The following WWOX variants were observed in gnomAD, a reference collection of about 807,000 sequenced individuals.
The protein encoded by WWOX is WW domain-containing oxidoreductase.
In WWOX, 69 loss-of-function variants were observed where a neutral mutation model predicts 46.2. The ratio of observed to expected loss-of-function variants is 1.49; its 90% CI spans 1.23 to 1.82. The LOEUF is 1.82. Ranked by LOEUF, WWOX falls within the 40% of genes most tolerant of loss-of-function variation. The pLI is 0.00. For synonymous variants in WWOX, 359 were observed against 202.6 expected (o/e 1.77, Z -6.56); for missense variants, 919 against 542.6 (o/e 1.69, Z -6.89).
In WWOX at chr16:79,033,314, G is replaced by A. The variant is rs1421913235; in HGVS notation, c.1057-178294G>A. Among the ~76,000 whole-genome samples, 3 of 147,712 alleles carry A rather than the reference G, an allele frequency of 2.0e-5. No homozygotes were observed. In the East Asian group the frequency reaches 5.9e-4, roughly 29 times the overall value. On this transcript the variant is annotated intron_variant, in intron 8 of 8. Transcript: ENST00000566780. ...TATACACACATATGTATATATGTAT[G>A]TATAGAGAGTCTATTATATATATTA... is the stretch of plus-strand genomic sequence containing the variant.
chr16:79,030,970 T>G (rs1042294077), intron 8 of WWOX, among the ~76,000 whole-genome samples: 3 of 151,782 alleles, frequency 2.0e-5, no homozygotes, highest in Non-Finnish European at 2.9e-5. Flanking sequence ...CACATGCCTG[T>G]AGTCCCACCC....
chr16:78,400,931 C>T (rs2082397959), intron 6 of WWOX, among the ~76,000 whole-genome samples: 1 of 152,180 alleles, frequency 6.6e-6, no homozygotes, highest in Admixed American at 6.5e-5. Context: ...TCAAGTGATC[C>T]TTCCACTCAG....
chr16:78,668,130 AT>A (rs1018966277), intron 8 of WWOX, among the ~76,000 whole-genome samples: 15 of 152,140 alleles, frequency 9.9e-5, no homozygotes, highest in African/African-American at 3.6e-4. Flanking sequence ...AATACAAAAA[AT>A]TAGCCAGCTG....
chr16:78,571,543 T>C (rs1435725246), intron 8 of WWOX, among the ~76,000 whole-genome samples: 1 of 152,198 alleles, frequency 6.6e-6, no homozygotes, highest in Non-Finnish European at 1.5e-5. Context: ...AATACCATAT[T>C]ATCGAAAGGA....
intron 8 of WWOX, among the ~76,000 whole-genome samples, chr16:78,742,865 G>A (rs978169792): frequency 1.3e-5 from 2 of 152,138 alleles, no homozygotes; most frequent in African/African-American, 4.8e-5. Flanking sequence ...TCAGAGCCGG[G>A]GGCTTCCCAG....
intron 8 of WWOX, among the ~76,000 whole-genome samples, chr16:78,701,439 G>A (rs116218790): frequency 0.017 from 2,633 of 152,058 alleles, 75 homozygotes; most frequent in African/African-American, 0.06. Context: ...TTGAAGGTCC[G>A]ATGGCCACAT....
At chr16:78,779,085 G>C (rs10514446) in intron 8 of WWOX, among the ~76,000 whole-genome samples, 1 of 141,150 alleles carries the variant, frequency 7.1e-6, no homozygotes, top group Non-Finnish European at 1.6e-5. Flanking sequence ...TCACTCTATC[G>C]CCTAAAATTC....
At position 78,722,047 on chromosome 16, in the gene WWOX, C is replaced by T. The variant is rs145688224; in HGVS notation, c.1056+289295C>T. ...GTGGTATTTTGCATATTAATACTTG[C>T]TTAAATCAAGAAGCTAAGACTTTGT... is the stretch of plus-strand genomic sequence containing the variant. On this transcript the variant is annotated intron_variant, in intron 8 of 8. Transcript: ENST00000566780. Among the ~76,000 whole-genome samples the T allele has an allele frequency of 5.0e-3, 762 of 152,312 alleles. 4 individuals are homozygous for T. The highest frequency in any genetic ancestry group is 0.018 in the African/African-American group (731 of 41,584).
intron 8 of WWOX, among the ~76,000 whole-genome samples, chr16:79,000,105 G>A (rs544997534): frequency 6.6e-6 from 1 of 152,138 alleles, no homozygotes; most frequent in Non-Finnish European, 1.5e-5. Context: ...GTCTGAGCAG[G>A]CTTCCCACCA....
At chr16:78,537,709 C>G (rs1037141251) in intron 8 of WWOX, among the ~76,000 whole-genome samples, 50 of 152,098 alleles carry the variant, frequency 3.3e-4, no homozygotes, top group Middle Eastern at 6.8e-3. Context: ...TGCCACAGTT[C>G]ATGTAGGGGT....
chr16:78,261,279 A>T, intron 5 of WWOX, among the ~76,000 whole-genome samples: 1 of 145,168 alleles, frequency 6.9e-6, no homozygotes, highest in Non-Finnish European at 1.5e-5. Context: ...AGATAGATAG[A>T]TAGATACATA....
At chr16:78,370,590 A>G (rs966456665) in intron 5 of WWOX, among the ~76,000 whole-genome samples, 18 of 151,534 alleles carry the variant, frequency 1.2e-4, no homozygotes, top group African/African-American at 4.4e-4. Flanking sequence ...ATAATTATGG[A>G]TTCTGTCTTA....
At chr16:78,545,752 G>C (rs1345421186) in intron 8 of WWOX, among the ~76,000 whole-genome samples, 3 of 152,132 alleles carry the variant, frequency 2.0e-5, no homozygotes, top group Non-Finnish European at 2.9e-5. Flanking sequence ...GGAAATTCAA[G>C]ACAAAGTTGC....
At chr16:79,062,414 C>A (rs1381798429) in intron 8 of WWOX, among the ~76,000 whole-genome samples, 3 of 151,918 alleles carry the variant, frequency 2.0e-5, no homozygotes, top group Non-Finnish European at 4.4e-5. Context: ...AAGGCAGAGA[C>A]TGTTTGCCAG....
At chr16:78,791,159 G>C (rs1352211748) in intron 8 of WWOX, among the ~76,000 whole-genome samples, 3 of 152,132 alleles carry the variant, frequency 2.0e-5, no homozygotes, top group Non-Finnish European at 4.4e-5. Flanking sequence ...CTGTGACTCA[G>C]TGCTTTCCTG....
intron 8 of WWOX, among the ~76,000 whole-genome samples, chr16:78,973,846 G>C (rs1366408187): frequency 6.6e-6 from 1 of 152,234 alleles, no homozygotes; most frequent in Non-Finnish European, 1.5e-5. Context: ...GAGAGCCCCT[G>C]CTTCCCTTGG....
chr16:78,833,525 G>C (rs1025990621), intron 8 of WWOX, among the ~76,000 whole-genome samples: 1 of 152,122 alleles, frequency 6.6e-6, no homozygotes, highest in African/African-American at 2.4e-5. Flanking sequence ...CCTACAACGT[G>C]CAGTGAGGAC....
intron 5 of WWOX, among the ~76,000 whole-genome samples, chr16:78,174,998 G>GTAATTA (rs1555548217): frequency 1.6e-3 from 219 of 140,870 alleles, no homozygotes; most frequent in African/African-American, 5.4e-3. Flanking sequence ...AAAAATAATA[G>GTAATTA]TAATAATAAT....
chr16:79,130,050 G>C (rs1438326879), intron 8 of WWOX, among the ~76,000 whole-genome samples: 1 of 152,182 alleles, frequency 6.6e-6, no homozygotes, highest in East Asian at 1.9e-4. Flanking sequence ...ATTAATTAAT[G>C]GGTGTATTTA....
Sources: allele counts gnomAD v4.1 joint callset (sites outside exome capture counted in the v4.1 genomes callset), GRCh38; gene constraint gnomAD v4.1.1; transcripts MANE v1.5; gene names NCBI Gene and HGNC (gene_info 2026-07-23, HGNC 2026-07-21).